The following CLEC12A variants were observed in gnomAD, a reference collection of about 807,000 sequenced individuals.
CLEC12A encodes C-type lectin domain family 12 member A.
In CLEC12A, 22 loss-of-function variants were observed where a neutral mutation model predicts 26.5. That is an observed-to-expected ratio of 0.83 (90% CI 0.59 to 1.19). CLEC12A has a LOEUF of 1.19. Ranked by LOEUF, CLEC12A falls within the 50% of genes most tolerant of loss-of-function variation. The pLI is 0.00. For synonymous variants in CLEC12A, 119 were observed against 101.9 expected, an observed-to-expected ratio of 1.17 and a Z score of -1.01; for missense variants, 353 against 315.6, an observed-to-expected ratio of 1.12 and a Z score of -0.90.
chr12:9,998,500 T>G (rs902017778), downstream of CLEC12A: 10 of 639,786 alleles, frequency 1.6e-5, no homozygotes, highest in Non-Finnish European at 2.6e-5. Context: ...AGAGCTTTGC[T>G]GGCAGATCTC....
In CLEC12A at chr12:9,983,426, A is replaced by G. The variant is rs930186466; in HGVS notation, c.641+1297A>G. The G allele has an allele frequency of 6.1e-6, 4 of 652,398 alleles. No homozygotes were observed. The African/African-American group carries it at 7.3e-5, about 12-fold the overall frequency. 40.4% of individuals were successfully genotyped at this position (652,398 alleles called of 1,614,324 possible). A position where few individuals can be genotyped will look rare whatever the true frequency, so the allele number is the denominator to read the frequency against. On this transcript the variant is annotated intron_variant, in intron 5 of 5. Coordinates refer to ENST00000304361, the MANE Select transcript of CLEC12A (RefSeq NM_138337.6). ...TAAATATACTATTTTAAGTGGATTT[A>G]TACGTTGTATTTGTTCTGCTTATAA...
downstream of CLEC12A, among the ~76,000 whole-genome samples, chr12:9,995,988 A>T (rs1348396287): frequency 6.6e-6 from 1 of 152,158 alleles, no homozygotes; most frequent in Non-Finnish European, 1.5e-5. Flanking sequence ...TGAATCAATC[A>T]ATCTATGGGT....
chr12:9,957,765 G>A (rs1275537691), intron 1 of CLEC12A, among the ~76,000 whole-genome samples: 1 of 152,206 alleles, frequency 6.6e-6, no homozygotes, highest in African/African-American at 2.4e-5. Context: ...GTGAAGATAA[G>A]CTATCAATTT....
At chr12:9,952,391 G>T (rs1215644037) in intron 1 of CLEC12A, among the ~76,000 whole-genome samples, 1 of 150,600 alleles carries the variant, frequency 6.6e-6, no homozygotes, top group Non-Finnish European at 1.5e-5. Flanking sequence ...TGGCCGGGCC[G>T]GTCTCCAGCC....
At chr12:9,976,853 A>T (rs910697604) in intron 1 of CLEC12A, among the ~76,000 whole-genome samples, 2 of 152,134 alleles carry the variant, frequency 1.3e-5, no homozygotes, top group Non-Finnish European at 2.9e-5. Flanking sequence ...TGTTCCTGTG[A>T]TAGTGAATAA....
chr12:10,002,719 G>A, the CLEC12A span, among the ~76,000 whole-genome samples: 1 of 152,168 alleles, frequency 6.6e-6, no homozygotes, highest in Non-Finnish European at 1.5e-5. Context: ...TAGGATTACA[G>A]GCGTGAGCCA....
chr12:9,960,573 C>A (rs73048856), intron 1 of CLEC12A, among the ~76,000 whole-genome samples: 2 of 152,172 alleles, frequency 1.3e-5, no homozygotes, highest in Non-Finnish European at 2.9e-5. Flanking sequence ...CCACCTCACA[C>A]GTCCTCAGCA....
intron 1 of CLEC12A, among the ~76,000 whole-genome samples, chr12:9,964,962 G>C (rs1210224061): frequency 6.6e-6 from 1 of 152,140 alleles, no homozygotes; most frequent in East Asian, 1.9e-4. Flanking sequence ...TTGAAGTCTG[G>C]GCCAGGAACA....
chr12:9,954,784 CA>C (rs765913613), intron 1 of CLEC12A, among the ~76,000 whole-genome samples: 1 of 152,160 alleles, frequency 6.6e-6, no homozygotes, highest in African/African-American at 2.4e-5. Context: ...AAGCATTTTT[CA>C]AGTTTACATG....
chr12:9,989,630 C>A (rs1280313460), downstream of CLEC12A, among the ~76,000 whole-genome samples: 2 of 152,172 alleles, frequency 1.3e-5, no homozygotes, highest in African/African-American at 4.8e-5. Context: ...AAGAAGCCTT[C>A]TCTCTAACAT....
chr12:9,997,253 C>A, downstream of CLEC12A: 1 of 1,612,502 alleles, frequency 6.2e-7, no homozygotes, highest in Non-Finnish European at 8.5e-7. Context: ...TCATTCTCAC[C>A]TTGTAGGTAA....
At chr12:9,988,987 G>T (rs1316660345), downstream of CLEC12A, among the ~76,000 whole-genome samples, 1 of 152,118 alleles carries the variant, frequency 6.6e-6, no homozygotes, top group Non-Finnish European at 1.5e-5. Context: ...TGATAGACTG[G>T]ATTAAGAAAA....
upstream of CLEC12A, among the ~76,000 whole-genome samples, chr12:9,970,513 G>T (rs1189801011): frequency 6.6e-6 from 1 of 152,110 alleles, no homozygotes; most frequent in Admixed American, 6.6e-5. Flanking sequence ...GAATATTAGA[G>T]AACATGCTCA....
intron 1 of CLEC12A, among the ~76,000 whole-genome samples, chr12:9,966,388 G>GT (rs1387357766): frequency 1.8e-5 from 2 of 112,318 alleles, no homozygotes; most frequent in African/African-American, 7.0e-5. Context: ...TTGGGGCAGA[G>GT]TTCCAGGGGC....
chr12:9,971,480 G>A lies in CLEC12A; in HGVS notation c.-117G>A. On this transcript the variant is annotated 5_prime_UTR_variant, in exon 1 of 6. Transcript: ENST00000304361. Reference sequence around the variant, plus strand: ...CAGAAGTTTAAACTTGTAAGCTTAAGCTTCCGTTTATAAACAGAAGTTTAA... The same window carrying A: ...CAGAAGTTTAAACTTGTAAGCTTAAACTTCCGTTTATAAACAGAAGTTTAA... 1 of 1,427,916 alleles carries A rather than the reference G, an allele frequency of 7.0e-7. No individual in the cohort carries two copies. The highest frequency in any genetic ancestry group is 9.2e-7 in the Non-Finnish European group (1 of 1,092,846). The allele number at this position is 1,427,916 out of a possible 1,614,324, so 88.5% of individuals were successfully genotyped here. A position where few individuals can be genotyped will look rare whatever the true frequency, so the allele number is the denominator to read the frequency against.
intron 1 of CLEC12A, among the ~76,000 whole-genome samples, chr12:9,957,215 C>T (rs1007018759): frequency 3.3e-5 from 5 of 151,564 alleles, no homozygotes; most frequent in Admixed American, 6.6e-5. Flanking sequence ...GTGGGTAGGG[C>T]GGTGGCTCAT....
chr12:9,978,008 C>T (rs1236446825), intron 1 of CLEC12A, among the ~76,000 whole-genome samples: 3 of 152,140 alleles, frequency 2.0e-5, no homozygotes, highest in East Asian at 3.9e-4. Context: ...ACATGTAGTT[C>T]TTTCAGTAGT....
chr12:9,963,300 A>G lies in CLEC12A; in HGVS notation c.11-8277A>G, dbSNP rs971209883. ...GTCATACACCAGGCCAGATTGATTT[A>G]GGTAGAAACAACACTCTTCATTTAA... On this transcript the variant is annotated intron_variant, in intron 1 of 6. Coordinates refer to the CLEC12A transcript ENST00000355690. Among the ~76,000 whole-genome samples the G allele has an allele frequency of 5.3e-5, 7 of 131,346 alleles. No individual in the cohort carries two copies. The South Asian group carries it at 1.6e-3, about 31-fold the overall frequency. The allele number at this position is 131,346 out of a possible 152,430, so 86.2% of individuals were successfully genotyped here.
At chr12:9,987,098 G>T (rs1864783685), downstream of CLEC12A, among the ~76,000 whole-genome samples, 1 of 152,112 alleles carries the variant, frequency 6.6e-6, no homozygotes. Context: ...AAAAGATTTT[G>T]TTGACCCTGC....
Sources: gnomAD v4.1 joint callset for allele counts (sites outside exome capture counted in the v4.1 genomes callset) on GRCh38, gnomAD v4.1.1 for gene constraint, MANE v1.5 for transcripts, NCBI Gene and HGNC (gene_info 2026-07-23, HGNC 2026-07-21) for gene names.